DNAH6: variants seen among roughly 807,000 people sequenced by gnomAD.
DNAH6 encodes dynein axonemal heavy chain 6.
Under a neutral mutation model 491.4 loss-of-function variants are expected in DNAH6, and 340 were observed. The observed-to-expected ratio is 0.69, with a 90% confidence interval of 0.63 to 0.76. DNAH6 has a LOEUF of 0.76. DNAH6 is among the 30% of genes least tolerant of loss of function. The pLI is 0.00. For missense variants in DNAH6, 4,443 were observed against 4,972.2 expected (o/e 0.89, Z 3.20); for synonymous variants, 1,603 against 1,686.1 (o/e 0.95, Z 1.21).
At position 84,699,646 on chromosome 2, in the gene DNAH6, G is replaced by A. The variant is rs958328035; in HGVS notation, c.7730G>A (p.Cys2577Tyr). ...CGTCAGAAGCTGCACATTGTTCTCT[G>A]CATGAGCCCAGTTGGGGAGGCCTTT... ...KVRQKLHIVL[C>Y]MSPVGEAFRS... Residue 2577 changes from cysteine (C) to tyrosine (Y), a missense_variant, in exon 48 of 77, where the codon TGC becomes TAC. Coordinates refer to ENST00000389394, the MANE Select transcript of DNAH6 (RefSeq NM_001370.2). 8.4e-6 allele frequency: 13 copies of A among 1,551,690 alleles called. No homozygotes were observed. Among genetic ancestry groups the A allele is most frequent in the African/African-American group, 1.4e-5 (1 of 73,040 alleles).
Position 84,722,811 on chromosome 2 carries a change from G to A in DNAH6, c.9972+7G>A. On this transcript the variant is annotated splice_region_variant and intron_variant, in intron 60 of 76. Transcript: ENST00000389394. ...ATTAAAATACTTTAAACAGGTAAGT[G>A]TGTTCATGTTGTTAATGACAGTCAT... 1 of 1,444,908 alleles carries A rather than the reference G, an allele frequency of 6.9e-7. No homozygotes were observed. Among genetic ancestry groups the A allele is most frequent in the Non-Finnish European group, 9.2e-7 (1 of 1,090,956 alleles). 89.5% of individuals were successfully genotyped at this position (1,444,908 alleles called of 1,614,324 possible). A position where few individuals can be genotyped will look rare whatever the true frequency, so the allele number is the denominator to read the frequency against.
chr2:84,799,992 C>T (rs1334297541), intron 70 of DNAH6, among the ~76,000 whole-genome samples: 1 of 152,176 alleles, frequency 6.6e-6, no homozygotes, highest in East Asian at 1.9e-4. Flanking sequence ...CTGTTGCCTC[C>T]ACCCCCACTG....
chr2:84,530,625 G>A (rs1332789300), intron 4 of DNAH6, among the ~76,000 whole-genome samples: 4 of 152,166 alleles, frequency 2.6e-5, no homozygotes, highest in Admixed American at 2.6e-4. Flanking sequence ...GCTGTGTGAA[G>A]AATAGGCTTT....
At chr2:84,468,813 A>G in the DNAH6 span, among the ~76,000 whole-genome samples, 1 of 152,188 alleles carries the variant, frequency 6.6e-6, no homozygotes, top group Admixed American at 6.5e-5. Flanking sequence ...TTTTAGAGCT[A>G]ACTATGACAT....
At chr2:84,487,856 G>C in the DNAH6 span, among the ~76,000 whole-genome samples, 5 of 152,120 alleles carry the variant, frequency 3.3e-5, no homozygotes, top group Non-Finnish European at 5.9e-5. Flanking sequence ...CTTTGGACCT[G>C]GTACCAAGTC....
chr2:84,689,335 T>C (rs1483790144), intron 45 of DNAH6, among the ~76,000 whole-genome samples: 2 of 152,058 alleles, frequency 1.3e-5, no homozygotes, highest in Non-Finnish European at 2.9e-5. Flanking sequence ...CAGTGGTCTA[T>C]TGCTATGTAA....
chr2:84,465,794 C>G, the DNAH6 span, among the ~76,000 whole-genome samples: 1 of 152,132 alleles, frequency 6.6e-6, no homozygotes, highest in Non-Finnish European at 1.5e-5. Context: ...CAGGAATAAG[C>G]AGGGTTAGCC....
At chr2:84,788,544 A>C (rs1677437294) in intron 68 of DNAH6, among the ~76,000 whole-genome samples, 1 of 152,252 alleles carries the variant, frequency 6.6e-6, no homozygotes, top group African/African-American at 2.4e-5. Flanking sequence ...TGAAGTCAAA[A>C]GAATAACGTT....
In DNAH6 at chr2:84,819,314, C is replaced by T. The variant is rs751122495; in HGVS notation, c.12383C>T (p.Thr4128Ile). Reference protein sequence around the residue: ...AGTLSTTGHSTNFVVTVLLPS... With the variant: ...AGTLSTTGHSINFVVTVLLPS... ...CTATATCCTTAATTAGGACATTCAA[C>T]CAATTTTGTGGTAACCGTCCTGTTA... Residue 4128 changes from threonine to isoleucine, a missense_variant, in exon 77 of 77, where the codon ACC becomes ATC. By Grantham distance (89) the Thr-to-Ile change is moderately conservative (BLOSUM62 -1). Around this residue, in one of 3 missense-constraint regions of DNAH6, gnomAD observed 1,463 missense variants for 1,656.6 expected, o/e 0.88. Transcript: ENST00000389394. 3 of 1,548,778 alleles carry T rather than the reference C, an allele frequency of 1.9e-6. No individual in the cohort carries two copies. The South Asian group carries it at 3.6e-5, about 19-fold the overall frequency.
intron 76 of DNAH6, among the ~76,000 whole-genome samples, chr2:84,816,642 G>A (rs1178926479): frequency 6.6e-6 from 1 of 152,190 alleles, no homozygotes; most frequent in East Asian, 1.9e-4. Context: ...AGAATCACTT[G>A]AACCTGGGAG....
chr2:84,484,961 C>G, the DNAH6 span, among the ~76,000 whole-genome samples: 2 of 152,118 alleles, frequency 1.3e-5, no homozygotes, highest in Non-Finnish European at 2.9e-5. Context: ...AGTTCTGAAC[C>G]CAGTCCTGTT....
At chr2:84,486,727 C>A in the DNAH6 span, among the ~76,000 whole-genome samples, 1 of 152,098 alleles carries the variant, frequency 6.6e-6, no homozygotes, top group East Asian at 1.9e-4. Flanking sequence ...TTTCCCATGG[C>A]AAGAAAGAAG....
At chr2:84,643,262 G>A (rs1003373260) in intron 33 of DNAH6, among the ~76,000 whole-genome samples, 2 of 149,392 alleles carry the variant, frequency 1.3e-5, no homozygotes, top group African/African-American at 4.8e-5. Context: ...TATAGGTAAA[G>A]TGGGGTTTTT....
At position 84,553,007 on chromosome 2, in the gene DNAH6, C is replaced by T. The variant is rs1156788162; in HGVS notation, c.1575C>T (p.Leu525=). The T allele has an allele frequency of 1.9e-6, 3 of 1,605,404 alleles. No individual in the cohort carries two copies. The highest frequency in any genetic ancestry group is 2.2e-5 in the South Asian group (2 of 89,610). The change falls in exon 10 of 77, where the codon CTC becomes CTT. Residue 525 remains leucine, a synonymous_variant. Transcript: ENST00000389394. ...TELMLTVQSL[L]FEPSLEDFLD... ...TAATGTTGACAGTCCAGTCACTGCT[C>T]TTTGAGCCTTCTCTGGAAGACTTTC...
At chr2:84,617,037 G>T in intron 23 of DNAH6, 55 bp downstream of exon 23, 3 of 963,322 alleles carry the variant, frequency 3.1e-6, no homozygotes, top group Non-Finnish European at 4.5e-6. Flanking sequence ...TGTCAATCAA[G>T]TTGAGGTTAT....
At chr2:84,724,957 A>G (rs1219121260) in intron 60 of DNAH6, among the ~76,000 whole-genome samples, 1 of 152,200 alleles carries the variant, frequency 6.6e-6, no homozygotes, top group Non-Finnish European at 1.5e-5. Flanking sequence ...GTAGTAGCAA[A>G]CAGGTTCAGC....
At chr2:84,533,110 A>G (rs914630900) in intron 4 of DNAH6, among the ~76,000 whole-genome samples, 1 of 152,136 alleles carries the variant, frequency 6.6e-6, no homozygotes, top group African/African-American at 2.4e-5. Flanking sequence ...TGTAGGAATC[A>G]GTAGTGTCTG....
intron 42 of DNAH6, among the ~76,000 whole-genome samples, chr2:84,683,500 G>T (rs905647986): frequency 1.0e-4 from 14 of 139,894 alleles, no homozygotes; most frequent in African/African-American, 3.6e-4. Flanking sequence ...TCGGCTCACT[G>T]CAACCTCCGC....
At chr2:84,777,415 A>G in intron 64 of DNAH6, 1 of 559,218 alleles carries the variant, frequency 1.8e-6, no homozygotes, top group South Asian at 2.0e-5. Flanking sequence ...CCTTTATTCC[A>G]TAGAGACCCT....
Sources: allele counts gnomAD v4.1 joint callset (sites outside exome capture counted in the v4.1 genomes callset), GRCh38; gene constraint gnomAD v4.1.1; regional missense constraint gnomAD v4.1.1; transcripts MANE v1.5; gene names NCBI Gene and HGNC (gene_info 2026-07-23, HGNC 2026-07-21).